The following PTPRD variants were observed in gnomAD, a reference collection of about 807,000 sequenced individuals.
PTPRD encodes the protein receptor-type tyrosine-protein phosphatase delta.
In PTPRD, 34 loss-of-function variants were observed where a neutral mutation model predicts 214.5. The observed-to-expected ratio is 0.16, with a 90% CI of 0.12 to 0.21. PTPRD has a LOEUF of 0.21. PTPRD is among the 10% of genes least tolerant of loss of function. The pLI is 1.00. For missense variants in PTPRD, 2,545 were observed against 2,398.7 expected, an observed-to-expected ratio of 1.06 and a Z score of -1.27; for synonymous variants, 1,128 against 845.7, an observed-to-expected ratio of 1.33 and a Z score of -5.79.
At chr9:8,751,523 G>A (rs1295440343) in intron 11 of PTPRD, among the ~76,000 whole-genome samples, 1 of 152,094 alleles carries the variant, frequency 6.6e-6, no homozygotes, top group African/African-American at 2.4e-5. Flanking sequence ...ATACCCAATA[G>A]TACACTGGAA....
At chr9:9,006,571 C>T (rs367742276) in intron 11 of PTPRD, among the ~76,000 whole-genome samples, 1 of 151,970 alleles carries the variant, frequency 6.6e-6, no homozygotes, top group South Asian at 2.1e-4. Flanking sequence ...GCTGCAATTA[C>T]CATATTTATT....
intron 4 of PTPRD, among the ~76,000 whole-genome samples, chr9:9,942,689 T>C (rs1210875436): frequency 6.6e-6 from 1 of 152,288 alleles, no homozygotes; most frequent in Non-Finnish European, 1.5e-5. Context: ...ATCAATGCTA[T>C]TTTAATTAGC....
chr9:9,740,554 G>T (rs926286562), intron 6 of PTPRD, among the ~76,000 whole-genome samples: 8 of 151,898 alleles, frequency 5.3e-5, no homozygotes, highest in Non-Finnish European at 1.2e-4. Context: ...GTAGAGACGG[G>T]GTTTCACCGT....
intron 8 of PTPRD, among the ~76,000 whole-genome samples, chr9:9,445,880 T>C (rs879269543): frequency 6.6e-6 from 1 of 152,184 alleles, no homozygotes; most frequent in African/African-American, 2.4e-5. Context: ...TCAGGAACTC[T>C]TGTGCTTATG....
chr9:9,490,772 T>C (rs947369717), intron 8 of PTPRD, among the ~76,000 whole-genome samples: 6 of 151,288 alleles, frequency 4.0e-5, no homozygotes, highest in Non-Finnish European at 5.9e-5. Context: ...CTACAAAAAA[T>C]TAACACAAAG....
intron 9 of PTPRD, among the ~76,000 whole-genome samples, chr9:9,363,526 AT>A (rs1415310461): frequency 6.6e-6 from 1 of 151,462 alleles, no homozygotes; most frequent in African/African-American, 2.4e-5. Context: ...TTGCTAGAAC[AT>A]TGGTGTAGTT....
At position 8,504,277 on chromosome 9, in the gene PTPRD, A is replaced by G; in HGVS notation, c.1806T>C (p.Ala602=). The G allele has an allele frequency of 6.2e-7, 1 of 1,614,150 alleles. No homozygotes were observed. Among genetic ancestry groups the G allele is most frequent in the Non-Finnish European group, 8.5e-7 (1 of 1,179,986 alleles). ...GLGASTAEIS[A]RTMQSKPSAP... is the part of the protein sequence containing the mutation. ...GACACCTACTTGACTGCATGGTTCTAGCTGATATTTCTGCAGTAGAAGCAC... is the reference window on the plus strand; with the variant it reads ...GACACCTACTTGACTGCATGGTTCTGGCTGATATTTCTGCAGTAGAAGCAC... The change falls in exon 23 of 46, where the codon GCT becomes GCC. Residue 602 remains alanine (A), a synonymous_variant. Coordinates refer to ENST00000381196, the MANE Select transcript of PTPRD (RefSeq NM_002839.4).
chr9:8,799,923 CTT>C (rs1491359781), intron 11 of PTPRD, among the ~76,000 whole-genome samples: 2 of 151,908 alleles, frequency 1.3e-5, no homozygotes, highest in Non-Finnish European at 2.9e-5. Context: ...ACACAAAAAA[CTT>C]TTTGTTTTCA....
At chr9:9,223,855 T>C (rs909790445) in intron 9 of PTPRD, among the ~76,000 whole-genome samples, 1 of 152,038 alleles carries the variant, frequency 6.6e-6, no homozygotes, top group Non-Finnish European at 1.5e-5. Context: ...TCATTAGCTT[T>C]CCATTTTTAT....
rs997796847 is a variant in PTPRD at position 9,596,124 on chromosome 9, C to CA, written c.-286-21344dup. On this transcript the variant is annotated intron_variant, in intron 7 of 45. Coordinates refer to ENST00000381196, the MANE Select transcript of PTPRD (RefSeq NM_002839.4). ...ACCCATATGTGTGCAAAGGAATACC[C>CA]ATGGATACACTATTTATCATTATGC... Among the ~76,000 whole-genome samples, 14 of 151,848 alleles carry CA rather than the reference C, an allele frequency of 9.2e-5. 1 individual carries two copies. The highest frequency in any genetic ancestry group is 3.4e-4 in the African/African-American group (14 of 41,464).
intron 8 of PTPRD, among the ~76,000 whole-genome samples, chr9:9,452,288 A>G (rs1588836153): frequency 6.6e-6 from 1 of 151,542 alleles, no homozygotes; most frequent in African/African-American, 2.4e-5. Context: ...ACAATTCTCA[A>G]CCTGGAATTC....
intron 10 of PTPRD, among the ~76,000 whole-genome samples, chr9:9,079,258 T>C (rs1006559442): frequency 2.0e-5 from 3 of 152,048 alleles, no homozygotes; most frequent in Non-Finnish European, 4.4e-5. Context: ...TTTACTTACA[T>C]TAGATCAAAT....
At chr9:8,505,208 A>G (rs2097516863) in intron 22 of PTPRD, among the ~76,000 whole-genome samples, 2 of 152,216 alleles carry the variant, frequency 1.3e-5, no homozygotes, top group Admixed American at 6.5e-5. Context: ...TGGGTAATCA[A>G]TCTTGAACAT....
At chr9:9,190,119 T>C (rs1412358075) in intron 9 of PTPRD, among the ~76,000 whole-genome samples, 1 of 151,992 alleles carries the variant, frequency 6.6e-6, no homozygotes, top group Non-Finnish European at 1.5e-5. Flanking sequence ...ATTGTAACAG[T>C]GTTAGGAAAG....
At chr9:8,344,329 G>T (rs976573036) in intron 39 of PTPRD, among the ~76,000 whole-genome samples, 2 of 151,974 alleles carry the variant, frequency 1.3e-5, no homozygotes, top group African/African-American at 4.8e-5. Flanking sequence ...ATATGCATCA[G>T]GGACCATTCA....
chr9:9,520,310 T>C (rs1268288276), intron 8 of PTPRD, among the ~76,000 whole-genome samples: 3 of 148,128 alleles, frequency 2.0e-5, no homozygotes, highest in Non-Finnish European at 4.5e-5. Context: ...TTAAGTTATA[T>C]ATATATAAGA....
At chr9:9,195,624 T>C (rs2099938085) in intron 9 of PTPRD, among the ~76,000 whole-genome samples, 1 of 152,018 alleles carries the variant, frequency 6.6e-6, no homozygotes, top group African/African-American at 2.4e-5. Flanking sequence ...ACCTTTCATT[T>C]GAATGGAGCA....
intron 11 of PTPRD, among the ~76,000 whole-genome samples, chr9:8,883,128 A>G (rs551302394): frequency 2.6e-5 from 4 of 152,278 alleles, no homozygotes; most frequent in African/African-American, 7.2e-5. Flanking sequence ...AGCATCTACT[A>G]TGTGTCAGGT....
intron 12 of PTPRD, among the ~76,000 whole-genome samples, chr9:8,720,815 A>G (rs1052604969): frequency 2.6e-5 from 4 of 152,126 alleles, no homozygotes; most frequent in Non-Finnish European, 5.9e-5. Flanking sequence ...GATGACTATC[A>G]ATGAGGGGCA....
Sources: allele counts gnomAD v4.1 joint callset (sites outside exome capture counted in the v4.1 genomes callset), GRCh38; gene constraint gnomAD v4.1.1; transcripts MANE v1.5; gene names NCBI Gene and HGNC (gene_info 2026-07-23, HGNC 2026-07-21).